Variants in RBBP5 observed in about 807,000 individuals in gnomAD.
RBBP5 encodes RB binding protein 5, histone lysine methyltransferase complex subunit, also known as retinoblastoma-binding protein 5.
A neutral mutation model predicts 72.2 loss-of-function variants in RBBP5; 5 were observed. That is an observed-to-expected ratio of 0.07 (90% CI 0.04 to 0.15). The LOEUF (loss-of-function observed/expected upper bound fraction) is 0.15, where lower values mean the gene tolerates loss of function less well. Among genes scored for constraint, RBBP5 ranks in the 10% least tolerant of loss-of-function variants. The pLI is 1.00. For synonymous variants in RBBP5, 209 were observed against 237.2 expected, an observed-to-expected ratio of 0.88 and a Z score of 1.09; for missense variants, 322 against 652.2, an observed-to-expected ratio of 0.49 and a Z score of 5.51.
intron 12 of RBBP5, among the ~76,000 whole-genome samples, chr1:205,095,279 G>A (rs1263133588): frequency 6.6e-6 from 1 of 152,194 alleles, no homozygotes; most frequent in Non-Finnish European, 1.5e-5. Flanking sequence ...TATTAAGCTT[G>A]TCCAATCTGT....
intron 3 of RBBP5, among the ~76,000 whole-genome samples, chr1:205,106,705 G>A (rs762512113): frequency 3.3e-5 from 5 of 152,040 alleles, no homozygotes; most frequent in African/African-American, 4.8e-5. Context: ...ATCTCAACTC[G>A]AATAAGAAAA....
In RBBP5 at chr1:205,096,928, C is replaced by G; in HGVS notation, c.1167-17G>C. The G allele has an allele frequency of 6.4e-7, 1 of 1,556,380 alleles. No individual in the cohort carries two copies. ...TCTTCATCACTATTTGGAGCAGGAT[C>G]AGACAAGGGATTGGAAAAAAGAGGA... On this transcript the variant is annotated splice_polypyrimidine_tract_variant and intron_variant, in intron 11 of 13. Transcript: ENST00000264515.
rs1293743590 is a variant in RBBP5 at position 205,094,976 on chromosome 1, T to C, written c.1485A>G (p.Lys495=). Residue 495 remains lysine (K), a synonymous_variant, in exon 13 of 14, where the codon AAA becomes AAG. Coordinates refer to ENST00000264515, the MANE Select transcript of RBBP5 (RefSeq NM_005057.4). ...AGAGTTTCGGTTTAAATGGAGAATC[T>C]TTCTCTTTACCTTTTGATCCTTTAG... The part of the protein sequence containing the change: ...GRPKGSKGKE[K]DSPFKPKLYK... The C allele has an allele frequency of 3.1e-6, 5 of 1,614,028 alleles. No individual in the cohort carries two copies. The highest frequency in any genetic ancestry group is 8.5e-7 in the Non-Finnish European group (1 of 1,180,038).
At position 205,097,391 on chromosome 1, in the gene RBBP5, A is replaced by G; in HGVS notation, c.1101T>C (p.Ala367=). The change falls in exon 11 of 14, where the codon GCT becomes GCC. Residue 367 remains alanine, a synonymous_variant. Coordinates refer to ENST00000264515, the MANE Select transcript of RBBP5 (RefSeq NM_005057.4). ...CCACTTCCTCATCTTCTGCAGCATCAGCCCCTGCAGGACAGAAACACAGGA... is the reference window on the plus strand; with the variant it reads ...CCACTTCCTCATCTTCTGCAGCATCGGCCCCTGCAGGACAGAAACACAGGA... ...EDKSEPEQTG[A]DAAEDEEVDV... 1 of 1,552,496 alleles carries G rather than the reference A, an allele frequency of 6.4e-7. No individual in the cohort carries two copies. The highest frequency in any genetic ancestry group is 1.2e-5 in the South Asian group (1 of 84,096).
chr1:205,089,382 G>C (rs1365615040), intron 13 of RBBP5, among the ~76,000 whole-genome samples: 1 of 152,158 alleles, frequency 6.6e-6, no homozygotes, highest in Admixed American at 6.5e-5. Flanking sequence ...ATCCTGAATA[G>C]TACAATGAAA....
intron 13 of RBBP5, among the ~76,000 whole-genome samples, chr1:205,093,529 T>C (rs71524478): frequency 0.23 from 1,385 of 5,896 alleles, 382 homozygotes; most frequent in East Asian, 0.49. Context: ...TATATATATA[T>C]ATATACACAC....
In RBBP5 at chr1:205,096,802, A is replaced by G; in HGVS notation, c.1276T>C (p.Ser426Pro). The G allele has an allele frequency of 6.2e-7, 1 of 1,614,100 alleles. No homozygotes were observed. The highest frequency in any genetic ancestry group is 1.1e-5 in the South Asian group (1 of 91,078). ...YGPPPDAVQTSLMDEGASSEK... is the reference protein window; with the variant it reads ...YGPPPDAVQTPLMDEGASSEK... The stretch of plus-strand genomic sequence containing the variant: ...GAACTAGCCCCTTCATCCATCAAGG[A>G]GGTTTGGACTGCATCCGGTGGGGGG... The change falls in exon 12 of 14, where the codon TCC (serine) becomes CCC (proline). Residue 426 changes from serine to proline, a missense_variant. Around this residue, in one of 6 missense-constraint regions of RBBP5, gnomAD observed 109 missense variants for 146.3 expected, o/e 0.75. Coordinates refer to ENST00000264515, the MANE Select transcript of RBBP5 (RefSeq NM_005057.4).
chr1:205,096,999 G>A, intron 11 of RBBP5, 88 bp from the exon 12 acceptor site: 1 of 1,183,436 alleles, frequency 8.4e-7, no homozygotes, highest in Non-Finnish European at 1.2e-6. Context: ...CCTATATTAA[G>A]CATAAGCAAC....
intron 5 of RBBP5, among the ~76,000 whole-genome samples, chr1:205,103,156 T>G (rs1299972453): frequency 7.4e-6 from 1 of 135,700 alleles, no homozygotes; most frequent in Non-Finnish European, 1.5e-5. Context: ...ACCCAGGAGA[T>G]GGAGGTTGCA....
At position 205,099,615 on chromosome 1, in the gene RBBP5, T is replaced by C; in HGVS notation, c.978+126A>G. Reference sequence around the variant, plus strand: ...TGCAACTAGATGCACTGAACCTATGTAATTTAGGTTGCGAGAATCATATGC... The same window carrying C: ...TGCAACTAGATGCACTGAACCTATGCAATTTAGGTTGCGAGAATCATATGC... On this transcript the variant is annotated intron_variant, in intron 9 of 13. Coordinates refer to ENST00000264515, the MANE Select transcript of RBBP5 (RefSeq NM_005057.4). The surrounding 1 kb of genome is among the most constrained non-coding windows in gnomAD (Gnocchi z 4.7). 3 of 1,035,044 alleles carry C rather than the reference T, an allele frequency of 2.9e-6. No homozygotes were observed. The highest frequency in any genetic ancestry group is 4.2e-6 in the Non-Finnish European group (3 of 708,774). 64.1% of individuals were successfully genotyped at this position (1,035,044 alleles called of 1,614,324 possible).
Position 205,099,866 on chromosome 1 carries a change from T to G in RBBP5, c.906+45A>C. On this transcript the variant is annotated intron_variant, in intron 8 of 13. Coordinates refer to ENST00000264515, the MANE Select transcript of RBBP5 (RefSeq NM_005057.4). This position sits in a 1 kb window ranked among gnomAD's most constrained non-coding sequence, Gnocchi z 4.7. ...GGTTGTTAAGAACAGATTTTAGATT[T>G]TTTGGATTATGTGACTAACAAAAGC... is the stretch of plus-strand genomic sequence containing the variant. The G allele has an allele frequency of 9.3e-6, 15 of 1,613,674 alleles. No individual in the cohort carries two copies. The highest frequency in any genetic ancestry group is 1.2e-5 in the Non-Finnish European group (14 of 1,179,688).
At chr1:205,090,056 G>A (rs754602586) in intron 13 of RBBP5, among the ~76,000 whole-genome samples, 3 of 152,164 alleles carry the variant, frequency 2.0e-5, no homozygotes, top group Non-Finnish European at 4.4e-5. Flanking sequence ...GTTTCACCAT[G>A]TTGGCCAGAC....
chr1:205,118,727 T>C (rs920192057), intron 1 of RBBP5, among the ~76,000 whole-genome samples: 1 of 152,224 alleles, frequency 6.6e-6, no homozygotes, highest in African/African-American at 2.4e-5. Flanking sequence ...TGTAGGTATA[T>C]ATAGTGAACT....
chr1:205,109,127 G>A (rs1656200709), intron 3 of RBBP5, among the ~76,000 whole-genome samples: 1 of 152,118 alleles, frequency 6.6e-6, no homozygotes, highest in African/African-American at 2.4e-5. Context: ...ACTGGGTCTA[G>A]AATACCTGTA....
At chr1:205,094,359 G>A (rs777962272) in intron 13 of RBBP5, among the ~76,000 whole-genome samples, 20 of 152,318 alleles carry the variant, frequency 1.3e-4, no homozygotes, top group Admixed American at 8.5e-4. Flanking sequence ...TACTAAGAGA[G>A]AGAAAGCACT....
At chr1:205,117,934 C>T (rs55938768) in intron 1 of RBBP5, among the ~76,000 whole-genome samples, 2 of 152,080 alleles carry the variant, frequency 1.3e-5, no homozygotes, top group East Asian at 2.0e-4. Context: ...CTCAGCCTCC[C>T]GAGTAGCTGG....
chr1:205,089,758 TCA>T (rs1214464004), intron 13 of RBBP5, among the ~76,000 whole-genome samples: 1 of 152,344 alleles, frequency 6.6e-6, no homozygotes, highest in East Asian at 1.9e-4. Context: ...TTTCCATAGT[TCA>T]GTCAGATTAA....
At chr1:205,106,220 C>T (rs184105553) in intron 3 of RBBP5, among the ~76,000 whole-genome samples, 1 of 152,314 alleles carries the variant, frequency 6.6e-6, no homozygotes, top group African/African-American at 2.4e-5. Flanking sequence ...TGGACTTTCA[C>T]CCACCTCTGG....
chr1:205,093,535 C>T (rs866687791), intron 13 of RBBP5, among the ~76,000 whole-genome samples: 15 of 59,928 alleles, frequency 2.5e-4, no homozygotes, highest in African/African-American at 1.1e-3. Context: ...TATATATATA[C>T]ACACACACAC....
Sources: gnomAD v4.1 joint callset for allele counts (sites outside exome capture counted in the v4.1 genomes callset) on GRCh38, gnomAD v4.1.1 for gene constraint, gnomAD v4.1.1 regional missense constraint, Gnocchi (gnomAD v3.1) non-coding constraint, MANE v1.5 for transcripts, NCBI Gene and HGNC (gene_info 2026-07-23, HGNC 2026-07-21) for gene names.